Variants in COL23A1 observed in about 807,000 individuals in gnomAD.
COL23A1 encodes collagen alpha-1(XXIII) chain.
COL23A1 carries 97 observed loss-of-function variants against 99.3 expected under a neutral mutation model. The ratio of observed to expected loss-of-function variants is 0.98; its 90% confidence interval spans 0.83 to 1.16. The LOEUF (loss-of-function observed/expected upper bound fraction) is 1.16, where lower values mean the gene tolerates loss of function less well. COL23A1 is among the 50% of genes most tolerant of loss of function. The probability of loss-of-function intolerance (pLI) is 0.00; values close to 1 mark genes in which losing one functional copy is unlikely to be tolerated. For synonymous variants in COL23A1, 320 were observed against 308.2 expected, an observed-to-expected ratio of 1.04 and a Z score of -0.40; for missense variants, 762 against 757.4, an observed-to-expected ratio of 1.01 and a Z score of -0.07.
At chr5:178,545,498 A>C (rs1164179227) in intron 2 of COL23A1, among the ~76,000 whole-genome samples, 1 of 152,176 alleles carries the variant, frequency 6.6e-6, no homozygotes, top group Non-Finnish European at 1.5e-5. Flanking sequence ...GCGGGGAGGA[A>C]CAAGAGCCTT....
At chr5:178,453,985 T>G (rs891478163) in intron 2 of COL23A1, among the ~76,000 whole-genome samples, 4 of 152,048 alleles carry the variant, frequency 2.6e-5, no homozygotes, top group African/African-American at 9.7e-5. Flanking sequence ...ATAAAACCAT[T>G]TTATAGAAAA....
rs1428332313 is a variant in COL23A1, at chr5:178,428,710, A to G, written c.362-121791T>C. 2.0e-5 allele frequency among the ~76,000 whole-genome samples: 3 copies of G among 152,160 alleles called. No individual in the cohort carries two copies. The highest frequency in any genetic ancestry group is 2.9e-5 in the Non-Finnish European group (2 of 68,016). On this transcript the variant is annotated intron_variant, in intron 2 of 28. Coordinates refer to ENST00000390654, the MANE Select transcript of COL23A1 (RefSeq NM_173465.4). The surrounding 1 kb of genome is among the most constrained non-coding windows in gnomAD (Gnocchi z 5.0). ...ACAGGATGTTTTCTGCTTCTCCAGGACATTGTCACTCTCTTGGCCTGTGAT... is the reference window on the plus strand; with the variant it reads ...ACAGGATGTTTTCTGCTTCTCCAGGGCATTGTCACTCTCTTGGCCTGTGAT...
intron 2 of COL23A1, among the ~76,000 whole-genome samples, chr5:178,494,383 T>C (rs1758089010): frequency 1.3e-5 from 2 of 152,144 alleles, no homozygotes; most frequent in South Asian, 4.1e-4. Flanking sequence ...GTTGGGAGGA[T>C]GGGGGTTGCT....
Position 178,254,938 on chromosome 5 carries a change from AG to A in COL23A1, c.960+10del, listed in dbSNP as rs1241350842. 1.2e-6 allele frequency: 2 copies of A among 1,607,028 alleles called. No individual in the cohort carries two copies. Among genetic ancestry groups the A allele is most frequent in the Admixed American group, 3.4e-5 (2 of 59,086 alleles). ...ATCTAAGGCACATCCTGGTCCCACC[AG>A]GAACACTACCTTGAGGGCATCCAAG... On this transcript the variant is annotated intron_variant, in intron 16 of 28. Transcript: ENST00000390654.
At chr5:178,332,869 G>C (rs1760107892) in intron 2 of COL23A1, among the ~76,000 whole-genome samples, 1 of 151,822 alleles carries the variant, frequency 6.6e-6, no homozygotes, top group Admixed American at 6.6e-5. Context: ...ACCGTTTCCA[G>C]ATCTTTCCAT....
chr5:178,398,986 G>A (rs561510814), intron 2 of COL23A1, among the ~76,000 whole-genome samples: 30 of 152,380 alleles, frequency 2.0e-4, no homozygotes, highest in Admixed American at 8.5e-4. Context: ...ACTCCGGGAT[G>A]ACTGCTCAGC....
chr5:178,429,376 G>A (rs1219375420), intron 2 of COL23A1, among the ~76,000 whole-genome samples: 1 of 152,190 alleles, frequency 6.6e-6, no homozygotes, highest in East Asian at 1.9e-4. Context: ...CCCGGCCTGA[G>A]CCTCACGGTG....
intron 2 of COL23A1, among the ~76,000 whole-genome samples, chr5:178,502,826 T>C (rs1048838232): frequency 6.6e-6 from 1 of 152,172 alleles, no homozygotes; most frequent in Admixed American, 6.5e-5. Flanking sequence ...CAGCACTGTT[T>C]ACTGTAACAA....
intron 2 of COL23A1, among the ~76,000 whole-genome samples, chr5:178,316,660 A>G (rs575909974): frequency 6.6e-6 from 1 of 152,338 alleles, no homozygotes; most frequent in South Asian, 2.1e-4. Flanking sequence ...TATTGGAATC[A>G]AACTATTTTA....
intron 2 of COL23A1, among the ~76,000 whole-genome samples, chr5:178,450,520 G>C (rs1038468848): frequency 6.6e-6 from 1 of 152,146 alleles, no homozygotes. Context: ...ACAGTAGTAA[G>C]CTGGGTGTCC....
At chr5:178,571,425 G>T (rs1763088989) in intron 1 of COL23A1, among the ~76,000 whole-genome samples, 1 of 152,114 alleles carries the variant, frequency 6.6e-6, no homozygotes, top group Non-Finnish European at 1.5e-5. Flanking sequence ...GAAGGGCCCT[G>T]CCTTGCTAGT....
At chr5:178,504,512 G>GAGCA (rs1179345552) in intron 2 of COL23A1, among the ~76,000 whole-genome samples, 8 of 152,174 alleles carry the variant, frequency 5.3e-5, no homozygotes, top group Admixed American at 1.3e-4. Context: ...CCTAGCCAGA[G>GAGCA]AGCAAGGTTT....
intron 2 of COL23A1, among the ~76,000 whole-genome samples, chr5:178,403,135 A>AAAAAAAAAAAAAAAAAAC (rs1194397278): frequency 7.3e-6 from 1 of 137,286 alleles, no homozygotes; most frequent in Non-Finnish European, 1.5e-5. Flanking sequence ...AATAAATAAA[A>AAAAAAAAAAAAAAAAAAC]AATAAATACC....
intron 2 of COL23A1, among the ~76,000 whole-genome samples, chr5:178,441,252 C>T (rs139821094): frequency 3.9e-5 from 6 of 152,328 alleles, no homozygotes; most frequent in African/African-American, 1.4e-4. Flanking sequence ...CCACACCCTA[C>T]AGTTAAGACT....
chr5:178,429,043 C>T (rs546444646), intron 2 of COL23A1, among the ~76,000 whole-genome samples: 5 of 152,252 alleles, frequency 3.3e-5, no homozygotes, highest in East Asian at 1.9e-4. Context: ...GGCTGGGGCA[C>T]GCGACTGCTC....
At chr5:178,452,665 T>G (rs1179393969) in intron 2 of COL23A1, among the ~76,000 whole-genome samples, 1 of 152,184 alleles carries the variant, frequency 6.6e-6, no homozygotes, top group Non-Finnish European at 1.5e-5. Flanking sequence ...ACAAAAGCTA[T>G]GATCAAACAA....
chr5:178,317,347 T>A (rs1253640332), intron 2 of COL23A1, among the ~76,000 whole-genome samples: 1 of 152,242 alleles, frequency 6.6e-6, no homozygotes. Context: ...TAGCCTTTAC[T>A]GTTGGTTGTT....
At chr5:178,418,169 T>C (rs1454871488) in intron 2 of COL23A1, among the ~76,000 whole-genome samples, 1 of 152,260 alleles carries the variant, frequency 6.6e-6, no homozygotes, top group Non-Finnish European at 1.5e-5. Context: ...GGTTTCATAA[T>C]GTGTAAAATG....
rs543388212 is a variant in COL23A1 at position 178,289,306 on chromosome 5, G to A, written c.415-956C>T. ...TGAGTGGATTAACTGGGATTTACCG[G>A]GCTCTGAAAAACTGACAGCATGAAT... On this transcript the variant is annotated intron_variant, in intron 4 of 28. Coordinates refer to ENST00000390654, the MANE Select transcript of COL23A1 (RefSeq NM_173465.4). 3.3e-5 allele frequency among the ~76,000 whole-genome samples: 5 copies of A among 152,272 alleles called. No homozygotes were observed. In the South Asian group the frequency reaches 1.0e-3, roughly 32 times the overall value.
Sources: allele counts gnomAD v4.1 joint callset (sites outside exome capture counted in the v4.1 genomes callset), GRCh38; gene constraint gnomAD v4.1.1; non-coding constraint Gnocchi (gnomAD v3.1); transcripts MANE v1.5; gene names NCBI Gene and HGNC (gene_info 2026-07-23, HGNC 2026-07-21).